GRM6: variants seen among roughly 807,000 people sequenced by gnomAD.
GRM6 encodes the protein glutamate metabotropic receptor 6.
A neutral mutation model predicts 78.4 loss-of-function variants in GRM6; 73 were observed. That is an observed-to-expected ratio of 0.93 (90% CI 0.77 to 1.13). The LOEUF (loss-of-function observed/expected upper bound fraction) is 1.13, where lower values mean the gene tolerates loss of function less well. Ranked by LOEUF, GRM6 falls within the 50% of genes most tolerant of loss-of-function variation. The pLI is 0.00. For missense variants in GRM6, 1,251 were observed against 1,256.4 expected (o/e 1.00, Z 0.07); for synonymous variants, 580 against 555.0 (o/e 1.05, Z -0.63).
At position 178,986,328 on chromosome 5, in the gene GRM6, C is replaced by T; in HGVS notation, c.1926G>A (p.Val642=). 6.2e-7 allele frequency: 1 copy of T among 1,614,146 alleles called. No homozygotes were observed. Among genetic ancestry groups the T allele is most frequent in the Non-Finnish European group, 8.5e-7 (1 of 1,180,016 alleles). ...CACAGACCGCGGCCCCAGGCTCAGC[C>T]ACCATGAGGAAGGTGATGGCGTAGA... is the stretch of plus-strand genomic sequence containing the variant. ...FLIYAITFLM[V]AEPGAAVCAA... is the part of the protein sequence containing the mutation. The change falls in exon 9 of 11, where the codon GTG becomes GTA. Residue 642 remains valine (V), a synonymous_variant. Transcript: ENST00000517717.
chr5:178,994,495 GC>G lies in GRM6; in HGVS notation c.449del (p.Gly150AlafsTer59). 3.5e-6 allele frequency: 5 copies of G among 1,446,314 alleles called. No homozygotes were observed. Among genetic ancestry groups the G allele is most frequent in the Non-Finnish European group, 4.5e-6 (5 of 1,103,824 alleles). 89.6% of individuals were successfully genotyped at this position (1,446,314 alleles called of 1,614,324 possible). ...APPERVVAVV[G>X]ASASSVSIMV... The stretch of plus-strand genomic sequence containing the variant: ...TGATGGAGACGGAGCTGGCCGAGGC[GC>G]CCACGACGGCCACGACGCGCTCGGG... On this transcript the variant is annotated frameshift_variant, in exon 2 of 11. Transcript: ENST00000517717. LOFTEE classifies it high-confidence loss of function.
chr5:178,986,121 C>G lies in GRM6; in HGVS notation c.2124+9G>C. On this transcript the variant is annotated intron_variant, in intron 9 of 10. Coordinates refer to ENST00000517717, the MANE Select transcript of GRM6 (RefSeq NM_000843.4). ...CCCTGCCCTGGCCCTTGGGAGCCTA[C>G]GGACCCACCTGCAGGGAGGTGAGGC... 1 of 1,611,514 alleles carries G rather than the reference C, an allele frequency of 6.2e-7. No homozygotes were observed. Among genetic ancestry groups the G allele is most frequent in the Non-Finnish European group, 8.5e-7 (1 of 1,178,804 alleles).
Position 178,978,839 on chromosome 5 carries a change from A to G in GRM6, c.*2818T>C, listed in dbSNP as rs1330870805. 6.6e-6 allele frequency: 1 copy of G among 152,222 alleles called. No homozygotes were observed. Among genetic ancestry groups the G allele is most frequent in the African/African-American group, 2.4e-5 (1 of 41,458 alleles). 9.4% of individuals were successfully genotyped at this position (152,222 alleles called of 1,614,324 possible). ...CTTATAAATTCCACACATAGAAGAAAACCCACAAAACTTTATTCAGGGGTC... is the reference window on the plus strand; with the variant it reads ...CTTATAAATTCCACACATAGAAGAAGACCCACAAAACTTTATTCAGGGGTC... On this transcript the variant is annotated 3_prime_UTR_variant, in exon 11 of 11. Coordinates refer to ENST00000517717, the MANE Select transcript of GRM6 (RefSeq NM_000843.4).
At chr5:178,994,204 C>A (rs549415287) in intron 2 of GRM6, among the ~76,000 whole-genome samples, 2 of 152,230 alleles carry the variant, frequency 1.3e-5, no homozygotes, top group African/African-American at 4.8e-5. Context: ...TAGGTGGCAC[C>A]CGCCCGGGAA....
intron 9 of GRM6, among the ~76,000 whole-genome samples, chr5:178,984,250 GC>G (rs992394113): frequency 3.3e-5 from 5 of 151,412 alleles, no homozygotes; most frequent in African/African-American, 1.2e-4. Context: ...CACCAAAACG[GC>G]CCACAGATGC....
rs146095712 is a variant in GRM6, at chr5:178,984,727, C to T, written c.2124+1403G>A. ...TCAGGCCCTGTTACGTGGAGGAAGACGGGAGCACCTCCTAGTCACGGAGAA... is the reference window on the plus strand; with the variant it reads ...TCAGGCCCTGTTACGTGGAGGAAGATGGGAGCACCTCCTAGTCACGGAGAA... On this transcript the variant is annotated intron_variant, in intron 9 of 10. Coordinates refer to ENST00000517717, the MANE Select transcript of GRM6 (RefSeq NM_000843.4). Among the ~76,000 whole-genome samples the T allele has an allele frequency of 9.1e-3, 1,378 of 152,232 alleles. 18 individuals are homozygous for T. Among genetic ancestry groups the T allele is most frequent in the African/African-American group, 0.032 (1,312 of 41,538 alleles).
chr5:178,982,006 C>T (rs1387412399), intron 10 of GRM6, 152 bp from the exon 11 acceptor site: 2 of 720,822 alleles, frequency 2.8e-6, no homozygotes, highest in South Asian at 3.0e-5. Context: ...TGAGCAGGGG[C>T]CCCGCGCCTG....
rs1295795176 is a variant in GRM6, at chr5:178,986,962, A to G, written c.1376T>C (p.Met459Thr). ...GGGCGCATCTCCGTTCTCGTTGAAC[A>G]TCACAGGGGTTCCTGCGCTGCCTGG... ...RFNGSAGTPV[M>T]FNENGDAPGR... Residue 459 changes from methionine to threonine, a missense_variant, in exon 8 of 11, where the codon ATG becomes ACG. Physicochemically the swap from Met to Thr is moderately conservative, Grantham distance 81. Coordinates refer to ENST00000517717, the MANE Select transcript of GRM6 (RefSeq NM_000843.4). 2 of 1,613,956 alleles carry G rather than the reference A, an allele frequency of 1.2e-6. No individual in the cohort carries two copies. Among genetic ancestry groups the G allele is most frequent in the African/African-American group, 2.7e-5 (2 of 75,052 alleles).
chr5:178,983,215 C>A lies in GRM6; in HGVS notation c.2131G>T (p.Gly711Trp). Reference sequence around the variant, plus strand: ...CGGGCCCCCAGCCATGCTATCATCCCCACCACCTGCAGGAGCCAACACTGC... The same window carrying A: ...CGGGCCCCCAGCCATGCTATCATCCACACCACCTGCAGGAGCCAACACTGC... ...TFSLTSLQVV[G>W]MIAWLGARPP... The change falls in exon 10 of 11, where the codon GGG becomes TGG. Residue 711 changes from glycine to tryptophan, a missense_variant. Coordinates refer to ENST00000517717, the MANE Select transcript of GRM6 (RefSeq NM_000843.4). 6.2e-7 allele frequency: 1 copy of A among 1,611,416 alleles called. No homozygotes were observed. The highest frequency in any genetic ancestry group is 1.7e-5 in the Admixed American group (1 of 60,026).
intron 9 of GRM6, chr5:178,985,677 T>A (rs537781040): frequency 1.0e-5 from 4 of 390,230 alleles, no homozygotes; most frequent in Middle Eastern, 4.3e-4. Context: ...CACTCCAGCC[T>A]GGGCGACACA....
chr5:178,992,117 G>A lies in GRM6; in HGVS notation c.505-34C>T, dbSNP rs1481022882. The A allele has an allele frequency of 7.4e-6, 11 of 1,487,274 alleles. No individual in the cohort carries two copies. The highest frequency in any genetic ancestry group is 1.0e-5 in the Non-Finnish European group (11 of 1,067,560). 92.1% of individuals were successfully genotyped at this position (1,487,274 alleles called of 1,614,324 possible). On this transcript the variant is annotated intron_variant, in intron 2 of 10. Transcript: ENST00000517717. The surrounding 1 kb of genome is among the most constrained non-coding windows in gnomAD (Gnocchi z 4.9). ...CAGGAAGGACAGCTGGGCTGTGGAT[G>A]GAGGTCAGTAACTCAAGAGAGGGAG...
rs1043785938 is a variant in GRM6 at position 178,985,899 on chromosome 5, C to T, written c.2124+231G>A. On this transcript the variant is annotated intron_variant, in intron 9 of 10. Transcript: ENST00000517717. ...ATTTCAGCCTCCCAAGTAGCTAGGA[C>T]TACAGGCACGCACCACCATGCCTGG... 24 of 576,446 alleles carry T rather than the reference C, an allele frequency of 4.2e-5. 1 individual carries two copies. Among genetic ancestry groups the T allele is most frequent in the South Asian group, 3.9e-4 (20 of 50,690 alleles). The allele number at this position is 576,446 out of a possible 1,614,324, so 35.7% of individuals were successfully genotyped here. A position where few individuals can be genotyped will look rare whatever the true frequency, so the allele number is the denominator to read the frequency against.
At chr5:178,989,574 C>CGTGGCCAGGTGAGCTAGGA (rs1251409179) in intron 5 of GRM6, among the ~76,000 whole-genome samples, 169 bp from the exon 6 acceptor site, 2 of 150,312 alleles carry the variant, frequency 1.3e-5, no homozygotes, top group African/African-American at 2.5e-5. Context: ...GTGAGTTAGG[C>CGTGGCCAGGTGAGCTAGGA]GTGGCCAGGT....
Position 178,981,611 on chromosome 5 carries a change from A to G in GRM6, c.*46T>C, listed in dbSNP as rs746673380. 7 of 1,441,706 alleles carry G rather than the reference A, an allele frequency of 4.9e-6. No individual in the cohort carries two copies. The South Asian group carries it at 8.0e-5, about 17-fold the overall frequency. The allele number at this position is 1,441,706 out of a possible 1,614,324, so 89.3% of individuals were successfully genotyped here. A position where few individuals can be genotyped will look rare whatever the true frequency, so the allele number is the denominator to read the frequency against. On this transcript the variant is annotated 3_prime_UTR_variant, in exon 11 of 11. Coordinates refer to ENST00000517717, the MANE Select transcript of GRM6 (RefSeq NM_000843.4). The surrounding 1 kb of genome is among the most constrained non-coding windows in gnomAD (Gnocchi z 5.1). ...TATACAGCTTCCACCTCGAGGCAAG[A>G]GGAAGAAAGGAGAGGCAGCAAGCAG... is the stretch of plus-strand genomic sequence containing the variant.
intron 5 of GRM6, chr5:178,989,718 T>A: frequency 2.2e-6 from 1 of 459,772 alleles, no homozygotes; most frequent in Non-Finnish European, 4.0e-6. Flanking sequence ...TTTGAAAGAC[T>A]TTTATCCCTG....
rs1469204544 is a variant in GRM6, at chr5:178,992,704, G to A, written c.505-621C>T. ...GGGCTGAGAAGGCCGCCAAGAGGGGGCTATGGGGCTCCAGCGCAAGAGGGG... is the reference window on the plus strand; with the variant it reads ...GGGCTGAGAAGGCCGCCAAGAGGGGACTATGGGGCTCCAGCGCAAGAGGGG... On this transcript the variant is annotated intron_variant, in intron 2 of 10. Transcript: ENST00000517717. This position sits in a 1 kb window ranked among gnomAD's most constrained non-coding sequence, Gnocchi z 4.9. 2.6e-5 allele frequency among the ~76,000 whole-genome samples: 4 copies of A among 152,244 alleles called. No homozygotes were observed. Among genetic ancestry groups the A allele is most frequent in the Admixed American group, 6.5e-5 (1 of 15,292 alleles).
At position 178,980,233 on chromosome 5, in the gene GRM6, C is replaced by T. The variant is rs1354112025; in HGVS notation, c.*1424G>A. On this transcript the variant is annotated 3_prime_UTR_variant, in exon 11 of 11. Transcript: ENST00000517717. The surrounding 1 kb of genome is among the most constrained non-coding windows in gnomAD (Gnocchi z 4.3). ...GACATCACAGACTAGAGAATGTATA[C>T]TGATCTTAAACAGTGGTCAATTTAA... 1.3e-5 allele frequency: 2 copies of T among 154,118 alleles called. No homozygotes were observed. Among genetic ancestry groups the T allele is most frequent in the African/African-American group, 4.8e-5 (2 of 41,510 alleles). The allele number at this position is 154,118 out of a possible 1,614,324, so 9.5% of individuals were successfully genotyped here.
Position 178,992,225 on chromosome 5 carries a change from G to A in GRM6, c.505-142C>T. ...ACACAGATGGGAGATGGAAGGGTTG[G>A]GGTGGGGACCTGGGGCCAGCTGGAG... On this transcript the variant is annotated intron_variant, in intron 2 of 10. Coordinates refer to ENST00000517717, the MANE Select transcript of GRM6 (RefSeq NM_000843.4). This position sits in a 1 kb window ranked among gnomAD's most constrained non-coding sequence, Gnocchi z 4.9. 1 of 716,814 alleles carries A rather than the reference G, an allele frequency of 1.4e-6. No homozygotes were observed. Among genetic ancestry groups the A allele is most frequent in the African/African-American group, 1.7e-5 (1 of 57,656 alleles). 44.4% of individuals were successfully genotyped at this position (716,814 alleles called of 1,614,324 possible).
At chr5:178,984,411 T>C (rs557335170) in intron 9 of GRM6, among the ~76,000 whole-genome samples, 7 of 152,252 alleles carry the variant, frequency 4.6e-5, no homozygotes, top group South Asian at 2.1e-4. Flanking sequence ...GCAGGCGAAT[T>C]GAAGCCACAG....
Sources: gnomAD v4.1 joint callset for allele counts (sites outside exome capture counted in the v4.1 genomes callset) on GRCh38, gnomAD v4.1.1 for gene constraint, Gnocchi (gnomAD v3.1) non-coding constraint, MANE v1.5 for transcripts, NCBI Gene and HGNC (gene_info 2026-07-23, HGNC 2026-07-21) for gene names.